The following NLGN1 variants were observed in gnomAD, a reference collection of about 807,000 sequenced individuals.
NLGN1 encodes the protein neuroligin-1.
In NLGN1, 12 loss-of-function variants were observed where a neutral mutation model predicts 65.5. That is an observed-to-expected ratio of 0.18 (90% confidence interval 0.12 to 0.30). NLGN1 has a LOEUF of 0.30. Ranked by LOEUF, NLGN1 falls within the 10% of genes least tolerant of loss-of-function variation. The pLI is 1.00. For synonymous variants in NLGN1, 350 were observed against 359.5 expected, an observed-to-expected ratio of 0.97 and a Z score of 0.30; for missense variants, 750 against 1,007.1, an observed-to-expected ratio of 0.74 and a Z score of 3.46.
intron 4 of NLGN1, among the ~76,000 whole-genome samples, chr3:174,256,216 A>G (rs1561402475): frequency 2.0e-5 from 3 of 152,290 alleles, no homozygotes; most frequent in Non-Finnish European, 4.4e-5. Context: ...ACACAAAGAT[A>G]TACTCTGTTT....
At chr3:174,035,005 A>C (rs2152480064) in intron 4 of NLGN1, among the ~76,000 whole-genome samples, 1 of 152,310 alleles carries the variant, frequency 6.6e-6, no homozygotes, top group Non-Finnish European at 1.5e-5. Context: ...TGGAGTAGCT[A>C]TGTTAATTTC....
chr3:173,727,450 C>T (rs1170869640), intron 3 of NLGN1, among the ~76,000 whole-genome samples: 1 of 152,118 alleles, frequency 6.6e-6, no homozygotes, highest in African/African-American at 2.4e-5. Context: ...TTTCATTATG[C>T]CTGCCACTGA....
chr3:174,199,676 A>G (rs1490765647), intron 4 of NLGN1, among the ~76,000 whole-genome samples: 1 of 152,170 alleles, frequency 6.6e-6, no homozygotes, highest in Non-Finnish European at 1.5e-5. Flanking sequence ...GGCTCAGGGA[A>G]AGAAACTTTC....
At chr3:174,024,590 C>T (rs1229006137) in intron 4 of NLGN1, among the ~76,000 whole-genome samples, 1 of 152,002 alleles carries the variant, frequency 6.6e-6, no homozygotes, top group Admixed American at 6.6e-5. Flanking sequence ...TAGAACTCAT[C>T]CAAGGCATTT....
chr3:173,990,398 T>C (rs559784587), intron 4 of NLGN1, among the ~76,000 whole-genome samples: 1 of 152,306 alleles, frequency 6.6e-6, no homozygotes, highest in South Asian at 2.1e-4. Context: ...CAATAGTACC[T>C]CATAGAGAAA....
chr3:173,987,255 A>C (rs1173616151), intron 4 of NLGN1, among the ~76,000 whole-genome samples: 1 of 152,168 alleles, frequency 6.6e-6, no homozygotes, highest in East Asian at 1.9e-4. Flanking sequence ...TTAAAATGGC[A>C]CTTGTAACAA....
intron 2 of NLGN1, among the ~76,000 whole-genome samples, chr3:173,588,634 C>T (rs1747912454): frequency 6.6e-6 from 1 of 152,176 alleles, no homozygotes; most frequent in South Asian, 2.1e-4. Flanking sequence ...ATAATCTCTT[C>T]TGTGCCTATT....
At chr3:173,734,963 A>G (rs919180910) in intron 3 of NLGN1, among the ~76,000 whole-genome samples, 3 of 152,104 alleles carry the variant, frequency 2.0e-5, no homozygotes, top group Non-Finnish European at 2.9e-5. Context: ...CTAATGTGGC[A>G]CAACATTCTT....
intron 2 of NLGN1, among the ~76,000 whole-genome samples, chr3:173,528,120 C>T (rs1735959409): frequency 6.6e-6 from 1 of 152,118 alleles, no homozygotes; most frequent in African/African-American, 2.4e-5. Flanking sequence ...GTTTAGAACA[C>T]CTTTGAGCAT....
At chr3:174,194,278 G>A (rs1200417885) in intron 4 of NLGN1, among the ~76,000 whole-genome samples, 2 of 151,782 alleles carry the variant, frequency 1.3e-5, no homozygotes, top group Non-Finnish European at 2.9e-5. Flanking sequence ...CCAACATGGT[G>A]AAACTACTAC....
chr3:173,490,076 G>A (rs1434600999), intron 2 of NLGN1, among the ~76,000 whole-genome samples: 1 of 152,126 alleles, frequency 6.6e-6, no homozygotes, highest in Non-Finnish European at 1.5e-5. Context: ...CTGTGCAGAA[G>A]CTCTTTAGTT....
intron 3 of NLGN1, among the ~76,000 whole-genome samples, chr3:173,622,588 A>T (rs1478777359): frequency 2.7e-5 from 4 of 149,802 alleles, no homozygotes; most frequent in Non-Finnish European, 6.0e-5. Flanking sequence ...AAGAGGAGGA[A>T]AAAAAAAAAC....
At chr3:173,744,457 G>C (rs1775072931) in intron 3 of NLGN1, among the ~76,000 whole-genome samples, 1 of 152,068 alleles carries the variant, frequency 6.6e-6, no homozygotes, top group South Asian at 2.1e-4. Context: ...AAAATAGTGA[G>C]ACACTCTGAC....
rs1281842868 is a variant in NLGN1 at position 173,747,789 on chromosome 3, C to T, written c.494-59891C>T. ...GTTTTAAAACAAAATTTTCTTTCTTCTTCTTCTTGTTCTTTTTTTTTTTTT... is the reference window on the plus strand; with the variant it reads ...GTTTTAAAACAAAATTTTCTTTCTTTTTCTTCTTGTTCTTTTTTTTTTTTT... On this transcript the variant is annotated intron_variant, in intron 3 of 6. Coordinates refer to ENST00000457714, the Ensembl canonical transcript of NLGN1. 3.7e-3 allele frequency among the ~76,000 whole-genome samples: 322 copies of T among 88,010 alleles called. 2 individuals carry two copies. The highest frequency in any genetic ancestry group is 0.016 in the African/African-American group (304 of 18,586). The allele number at this position is 88,010 out of a possible 152,430, so 57.7% of individuals were successfully genotyped here.
At chr3:173,443,332 T>C (rs4894612) in intron 2 of NLGN1, among the ~76,000 whole-genome samples, 69,840 of 142,846 alleles carry the variant, frequency 0.49, 18,906 homozygotes, top group East Asian at 0.85. Flanking sequence ...TATATATATA[T>C]ACACTATGAC....
chr3:173,448,915 T>C (rs1333814432), intron 2 of NLGN1, among the ~76,000 whole-genome samples: 1 of 152,186 alleles, frequency 6.6e-6, no homozygotes, highest in Non-Finnish European at 1.5e-5. Context: ...GACATCCCCT[T>C]TTTCATTTTT....
At chr3:173,715,394 G>A (rs1404976851) in intron 3 of NLGN1, among the ~76,000 whole-genome samples, 1 of 152,222 alleles carries the variant, frequency 6.6e-6, no homozygotes. Flanking sequence ...AGAATAGTAA[G>A]CAACATAAAT....
intron 2 of NLGN1, among the ~76,000 whole-genome samples, chr3:173,550,101 T>C (rs1740586954): frequency 6.6e-6 from 1 of 152,216 alleles, no homozygotes; most frequent in South Asian, 2.1e-4. Flanking sequence ...AATATCTCAA[T>C]TGAAGGTCTT....
intron 4 of NLGN1, among the ~76,000 whole-genome samples, chr3:173,894,162 A>G (rs1279392906): frequency 6.6e-6 from 1 of 152,080 alleles, no homozygotes; most frequent in African/African-American, 2.4e-5. Context: ...TACAATTATT[A>G]TTATAATAGC....
Sources: gnomAD v4.1 joint callset for allele counts (sites outside exome capture counted in the v4.1 genomes callset) on GRCh38, gnomAD v4.1.1 for gene constraint, MANE v1.5 for transcripts, NCBI Gene and HGNC (gene_info 2026-07-23, HGNC 2026-07-21) for gene names.